The following KDM6A variants were observed in gnomAD, a reference collection of about 807,000 sequenced individuals.
KDM6A encodes lysine-specific demethylase 6A.
In KDM6A, 11 loss-of-function variants were observed where a neutral mutation model predicts 117.6. The observed-to-expected ratio is 0.09, with a 90% CI of 0.06 to 0.15. KDM6A has a LOEUF of 0.15. KDM6A is among the 10% of genes least tolerant of loss of function. The probability of loss-of-function intolerance (pLI) is 1.00; values close to 1 mark genes in which losing one functional copy is unlikely to be tolerated. For synonymous variants in KDM6A, 384 were observed against 396.1 expected, an observed-to-expected ratio of 0.97 and a Z score of 0.36; for missense variants, 799 against 1,077.3, an observed-to-expected ratio of 0.74 and a Z score of 3.62.
chrX:44,933,007 C>G (rs2036735546), intron 2 of KDM6A, among the ~76,000 whole-genome samples: 1 of 107,554 alleles, frequency 9.3e-6, no homozygotes, highest in African/African-American at 3.4e-5. Context: ...CCTGTCTCAG[C>G]CTCCCGAGTA....
At chrX:45,006,163 G>GCCCC (rs746542278) in intron 4 of KDM6A, among the ~76,000 whole-genome samples, 4 of 72,741 alleles carry the variant, frequency 5.5e-5, no homozygotes, top group Non-Finnish European at 7.9e-5. Context: ...CCAGCCCTGC[G>GCCCC]CCCCCCCCCG....
chrX:44,885,090 T>C (rs980277580), intron 2 of KDM6A, among the ~76,000 whole-genome samples: 9 of 108,255 alleles, frequency 8.3e-5, no homozygotes, highest in African/African-American at 3.0e-4. Context: ...GCTGAGTGCA[T>C]TGGCATGATC....
chrX:45,060,724 C>G lies in KDM6A; in HGVS notation c.1445C>G (p.Ser482Cys), dbSNP rs3788868. The change falls in exon 14 of 30, where the codon TCC becomes TGC. Residue 482 changes from serine (S) to cysteine (C), a missense_variant. Ser to Cys is a moderately radical substitution (Grantham distance 112). Transcript: ENST00000611820. ...MIPSSQVDDL[S>C]SPAKRKRTSS... is the part of the protein sequence containing the mutation. ...CCTTCTAGCCAAGTAGATGACCTGTCCAGTCCTGCCAAGAGGAAAAGAACA... is the reference window on the plus strand; with the variant it reads ...CCTTCTAGCCAAGTAGATGACCTGTGCAGTCCTGCCAAGAGGAAAAGAACA... 8.5e-6 allele frequency: 9 copies of G among 1,064,699 alleles called. No homozygotes were observed. The East Asian group carries it at 3.9e-4, about 46-fold the overall frequency. The allele number at this position is 1,064,699 out of a possible 1,213,427, so 87.7% of individuals were successfully genotyped here.
intron 27 of KDM6A, among the ~76,000 whole-genome samples, chrX:45,098,595 G>C (rs1436185831): frequency 8.9e-6 from 1 of 112,452 alleles, no homozygotes; most frequent in African/African-American, 3.2e-5. Flanking sequence ...GCTCCTACAA[G>C]ATTTAAGTTG....
At chrX:45,084,578 A>T (rs12008875) in intron 24 of KDM6A, among the ~76,000 whole-genome samples, 18,954 of 110,983 alleles carry the variant, frequency 0.17, 2,352 homozygotes, top group African/African-American at 0.44. Flanking sequence ...AAAATGGGTC[A>T]GTGGTTCCCC....
intron 28 of KDM6A, 63 bp downstream of exon 28, chrX:45,107,599 C>T (rs2148291223): frequency 8.8e-7 from 1 of 1,137,767 alleles, no homozygotes; most frequent in Non-Finnish European, 1.2e-6. Flanking sequence ...CTGTTGGTTT[C>T]TCTTTATTTT....
rs757040306 is a variant in KDM6A, at chrX:45,060,639, C to T, written c.1360C>T (p.Pro454Ser). 1.0e-5 allele frequency: 11 copies of T among 1,066,802 alleles called. No individual in the cohort carries two copies. The highest frequency in any genetic ancestry group is 1.4e-5 in the Non-Finnish European group (11 of 808,764). The allele number at this position is 1,066,802 out of a possible 1,213,427, so 87.9% of individuals were successfully genotyped here. The change falls in exon 14 of 30, where the codon CCT (proline) becomes TCT (serine). Residue 454 changes from proline to serine, a missense_variant. By Grantham distance (74) the Pro-to-Ser change is moderately conservative. Transcript: ENST00000611820. ...TAAACCTCATCATCCAAATACTGAA[C>T]CTGTATTAGGCCTCAGTCAAACACC... is the stretch of plus-strand genomic sequence containing the variant. Reference protein sequence around the residue: ...ACKPHHPNTEPVLGLSQTPIS... With the variant: ...ACKPHHPNTESVLGLSQTPIS...
chrX:45,059,911 A>G (rs750954980), intron 12 of KDM6A, 111 bp from the exon 13 acceptor site: 600 of 1,087,372 alleles, frequency 5.5e-4, no homozygotes, highest in Non-Finnish European at 6.9e-4. Context: ...CCAAATTTAG[A>G]ATCTATTTTC....
chrX:45,036,107 T>TTTTTTG (rs1016190728), intron 7 of KDM6A, among the ~76,000 whole-genome samples: 4 of 111,399 alleles, frequency 3.6e-5, no homozygotes, highest in African/African-American at 1.3e-4. Flanking sequence ...TGTAAGTTAC[T>TTTTTTG]TTTTTGTTTT....
chrX:44,873,679 C>T lies in KDM6A; in HGVS notation c.128C>T (p.Ala43Val), dbSNP rs2146444005. Residue 43 changes from alanine (A) to valine (V), a missense_variant, in exon 1 of 30, where the codon GCC becomes GTC. Ala to Val is a moderately conservative substitution (Grantham distance 64). Around this residue, in one of 8 missense-constraint regions of KDM6A, gnomAD observed 89 missense variants for 117.8 expected, o/e 0.76. Coordinates refer to ENST00000611820, the MANE Select transcript of KDM6A (RefSeq NM_001291415.2). The stretch of plus-strand genomic sequence containing the variant: ...GAGGAGGCGTCCCCCAGCCTGACAG[C>T]CGAGGAGAGGGAGGCGCTCGGCGGA... ...ESEEASPSLT[A>V]EEREALGGLD... 1.7e-6 allele frequency: 2 copies of T among 1,181,001 alleles called. No homozygotes were observed. Among genetic ancestry groups the T allele is most frequent in the Non-Finnish European group, 1.1e-6 (1 of 880,646 alleles).
chrX:44,948,206 A>C (rs994473585), intron 2 of KDM6A, among the ~76,000 whole-genome samples: 7 of 111,761 alleles, frequency 6.3e-5, no homozygotes, highest in African/African-American at 2.3e-4. Context: ...GAGGGCTCTT[A>C]AGATTGGTAC....
intron 2 of KDM6A, among the ~76,000 whole-genome samples, chrX:44,924,648 GGTGTGTGTGTGTGTGT>G (rs112587323): frequency 1.4e-4 from 13 of 90,451 alleles, no homozygotes; most frequent in East Asian, 3.7e-4. Context: ...GGTGGTCCTG[GGTGTGTGTGTGTGTGT>G]GTGTGTGTGT....
chrX:45,070,641 G>A (rs1197011235), intron 18 of KDM6A, among the ~76,000 whole-genome samples: 2 of 110,494 alleles, frequency 1.8e-5, no homozygotes, highest in African/African-American at 6.6e-5. Flanking sequence ...TTCGCTCTGG[G>A]GATTTAAACA....
chrX:44,895,230 C>T (rs963566520), intron 2 of KDM6A, among the ~76,000 whole-genome samples: 12 of 108,772 alleles, frequency 1.1e-4, no homozygotes, highest in African/African-American at 4.0e-4. Flanking sequence ...CTCAACCTCC[C>T]AAGTAGCTGG....
Position 45,111,528 on chromosome X carries a change from C to G in KDM6A, c.*117C>G. ...CTGCTGGCTGAAAACTGTGTCTATG[C>G]AACCTTCCAAGTGCGGAGTGTCAAC... On this transcript the variant is annotated 3_prime_UTR_variant, in exon 30 of 30. Transcript: ENST00000611820. The G allele has an allele frequency of 1.6e-6, 1 of 644,218 alleles. No individual in the cohort carries two copies. Among genetic ancestry groups the G allele is most frequent in the Admixed American group, 2.3e-5 (1 of 42,838 alleles). The allele number at this position is 644,218 out of a possible 1,213,427, so 53.1% of individuals were successfully genotyped here.
chrX:44,929,827 CT>C (rs150951259), intron 2 of KDM6A, among the ~76,000 whole-genome samples: 7,876 of 104,935 alleles, frequency 0.075, 652 homozygotes, highest in African/African-American at 0.24. Flanking sequence ...TTTTTAGACA[CT>C]TTTTTTTTTT....
intron 2 of KDM6A, among the ~76,000 whole-genome samples, chrX:44,880,666 C>T (rs1251811094): frequency 9.1e-6 from 1 of 109,527 alleles, no homozygotes; most frequent in East Asian, 2.9e-4. Flanking sequence ...GTGGTGGGCG[C>T]CTGTAATCCC....
In KDM6A at chrX:44,935,020, G is replaced by A. The variant is rs145228065; in HGVS notation, c.226-26264G>A. 3.6e-5 allele frequency among the ~76,000 whole-genome samples: 4 copies of A among 111,317 alleles called. No homozygotes were observed. In the East Asian group the frequency reaches 1.1e-3, roughly 31 times the overall value. On this transcript the variant is annotated intron_variant, in intron 2 of 29. Coordinates refer to ENST00000611820, the MANE Select transcript of KDM6A (RefSeq NM_001291415.2). ...CCTTGGCATTTTCTCTTATTGTGGT[G>A]CAGGCCAGTAGTTCTCCATTGTTTT...
chrX:45,105,534 A>G (rs2046494964), intron 27 of KDM6A, among the ~76,000 whole-genome samples: 1 of 111,961 alleles, frequency 8.9e-6, no homozygotes, highest in Admixed American at 9.5e-5. Flanking sequence ...TTGTTCAGTA[A>G]GATCTGTATC....
Sources: allele counts gnomAD v4.1 joint callset (sites outside exome capture counted in the v4.1 genomes callset), GRCh38; gene constraint gnomAD v4.1.1; regional missense constraint gnomAD v4.1.1; transcripts MANE v1.5; gene names NCBI Gene and HGNC (gene_info 2026-07-23, HGNC 2026-07-21).